Variants in DOCK4 observed in about 807,000 individuals in gnomAD.
DOCK4 encodes the protein dedicator of cytokinesis 4, also known as dedicator of cytokinesis protein 4.
DOCK4 carries 97 observed loss-of-function variants against 268.1 expected under a neutral mutation model. The observed-to-expected ratio is 0.36, with a 90% CI of 0.31 to 0.43. DOCK4 has a LOEUF of 0.43. Among genes scored for constraint, DOCK4 ranks in the 20% least tolerant of loss-of-function variants. The probability of loss-of-function intolerance (pLI) is 1.00; values close to 1 mark genes in which losing one functional copy is unlikely to be tolerated. For synonymous variants in DOCK4, 954 were observed against 887.2 expected, an observed-to-expected ratio of 1.08 and a Z score of -1.34; for missense variants, 2,145 against 2,455.7, an observed-to-expected ratio of 0.87 and a Z score of 2.67.
intron 1 of DOCK4, among the ~76,000 whole-genome samples, chr7:112,116,427 C>T (rs982877229): frequency 6.6e-6 from 1 of 152,138 alleles, no homozygotes; most frequent in Non-Finnish European, 1.5e-5. Flanking sequence ...CACTTGAATA[C>T]ATAGTTTTAC....
chr7:112,134,115 T>C (rs1006915655), intron 1 of DOCK4, among the ~76,000 whole-genome samples: 2 of 152,228 alleles, frequency 1.3e-5, no homozygotes, highest in African/African-American at 4.8e-5. Context: ...TTCACTGCAT[T>C]ACAATGCTTC....
intron 23 of DOCK4, among the ~76,000 whole-genome samples, chr7:111,859,524 T>C (rs371412665): frequency 3.8e-4 from 57 of 151,816 alleles, no homozygotes; most frequent in Middle Eastern, 3.4e-3. Context: ...CCTCAAAAAA[T>C]CCTTTTGCTG....
intron 1 of DOCK4, among the ~76,000 whole-genome samples, chr7:112,202,365 T>C (rs1279541881): frequency 1.3e-5 from 2 of 152,234 alleles, no homozygotes; most frequent in Non-Finnish European, 2.9e-5. Context: ...CCTTTCATTG[T>C]TTTTATACAG....
chr7:111,986,669 C>T (rs1468443308), intron 6 of DOCK4, among the ~76,000 whole-genome samples: 1 of 152,132 alleles, frequency 6.6e-6, no homozygotes, highest in African/African-American at 2.4e-5. Context: ...ATAGTATTAG[C>T]AGAAAAGTCA....
At chr7:111,944,432 T>TAC (rs1237579310) in intron 10 of DOCK4, among the ~76,000 whole-genome samples, 4 of 152,210 alleles carry the variant, frequency 2.6e-5, no homozygotes, top group Non-Finnish European at 4.4e-5. Context: ...TGCCAATTTA[T>TAC]ACAGAGCCTT....
At chr7:111,882,458 C>T (rs73205391) in intron 16 of DOCK4, among the ~76,000 whole-genome samples, 7,645 of 152,196 alleles carry the variant, frequency 0.05, 272 homozygotes, top group Non-Finnish European at 0.08. Context: ...ACAGCTGGTA[C>T]GCTCAGATGA....
At chr7:112,204,748 A>C (rs1030935596) in intron 1 of DOCK4, among the ~76,000 whole-genome samples, 2 of 152,148 alleles carry the variant, frequency 1.3e-5, no homozygotes, top group African/African-American at 4.8e-5. Context: ...TGGGAAAAAA[A>C]AAAACAAAAA....
intron 16 of DOCK4, among the ~76,000 whole-genome samples, chr7:111,880,361 C>G (rs1233368202): frequency 6.6e-6 from 1 of 152,102 alleles, no homozygotes; most frequent in Non-Finnish European, 1.5e-5. Flanking sequence ...GAAAAATATC[C>G]TTCAGGCATG....
chr7:111,740,876 T>C (rs1289741104), intron 47 of DOCK4, among the ~76,000 whole-genome samples: 1 of 150,736 alleles, frequency 6.6e-6, no homozygotes, highest in Non-Finnish European at 1.5e-5. Flanking sequence ...GGCTTTTCCA[T>C]CGCTTGCTGA....
chr7:111,908,993 T>C (rs540276393), intron 13 of DOCK4, among the ~76,000 whole-genome samples: 26 of 152,162 alleles, frequency 1.7e-4, no homozygotes, highest in Non-Finnish European at 2.9e-4. Context: ...AATAAACAAA[T>C]GTGTGCATAT....
chr7:111,844,654 G>T, intron 25 of DOCK4, 109 bp downstream of exon 25: 1 of 1,346,016 alleles, frequency 7.4e-7, no homozygotes, highest in Non-Finnish European at 9.8e-7. Flanking sequence ...AATGCTGATG[G>T]GTTACTCTCC....
intron 16 of DOCK4, among the ~76,000 whole-genome samples, chr7:111,891,171 T>G (rs1285973866): frequency 7.0e-6 from 1 of 143,080 alleles, no homozygotes; most frequent in Non-Finnish European, 1.5e-5. Context: ...TCTCTTCCTA[T>G]TTTTGTTTGG....
intron 13 of DOCK4, among the ~76,000 whole-genome samples, chr7:111,912,236 A>G (rs149051307): frequency 6.6e-6 from 1 of 152,194 alleles, no homozygotes; most frequent in Admixed American, 6.5e-5. Flanking sequence ...TACACATGGG[A>G]TTTAAACAGT....
At chr7:111,776,690 A>G (rs1242269016) in intron 36 of DOCK4, among the ~76,000 whole-genome samples, 2 of 152,258 alleles carry the variant, frequency 1.3e-5, no homozygotes, top group East Asian at 1.9e-4. Context: ...CAAGAACCTC[A>G]GCAAACCCAA....
intron 1 of DOCK4, among the ~76,000 whole-genome samples, chr7:112,101,877 C>G (rs922687624): frequency 3.4e-5 from 5 of 149,252 alleles, no homozygotes; most frequent in African/African-American, 9.9e-5. Context: ...GAGTCTTGCT[C>G]TGTTGCCCAG....
At chr7:112,134,321 T>C (rs1814104086) in intron 1 of DOCK4, among the ~76,000 whole-genome samples, 2 of 152,118 alleles carry the variant, frequency 1.3e-5, no homozygotes, top group African/African-American at 4.8e-5. Context: ...CCTATACATC[T>C]CAATCTCTTC....
chr7:111,961,902 G>C (rs895792658), intron 8 of DOCK4, among the ~76,000 whole-genome samples: 1 of 152,054 alleles, frequency 6.6e-6, no homozygotes, highest in Non-Finnish European at 1.5e-5. Flanking sequence ...TTTTCTCATT[G>C]CTTTATGGCC....
chr7:111,900,450 A>G lies in DOCK4; in HGVS notation c.1404T>C (p.Ser468=), dbSNP rs756279575. The stretch of plus-strand genomic sequence containing the variant: ...CAGGAATGGGAAGTTTCAGCAGTTC[A>G]GACCACCTGGGACTGTTGTTATGGT... ...VLYHNNSPRW[S]ELLKLPIPVD... The change falls in exon 15 of 53, where the codon TCT becomes TCC. Residue 468 remains serine, a synonymous_variant. Transcript: ENST00000428084. The G allele has an allele frequency of 2.9e-5, 46 of 1,613,370 alleles. 1 individual carries two copies. Among genetic ancestry groups the G allele is most frequent in the Middle Eastern group, 1.6e-4 (1 of 6,084 alleles).
chr7:111,797,760 T>TATA lies in DOCK4; in HGVS notation c.3167-7156_3167-7155insTAT, dbSNP rs1563519096. 3.9e-5 allele frequency among the ~76,000 whole-genome samples: 6 copies of TATA among 152,272 alleles called. No individual in the cohort carries two copies. The East Asian group carries it at 9.7e-4, about 25-fold the overall frequency. On this transcript the variant is annotated intron_variant, in intron 30 of 52. Transcript: ENST00000428084. ...CTTAATTACTCTAAACTGTCTATAA[T>TATA]AGACCAAAAGACAGATAAGAATCCT...
Sources: gnomAD v4.1 joint callset for allele counts (sites outside exome capture counted in the v4.1 genomes callset) on GRCh38, gnomAD v4.1.1 for gene constraint, MANE v1.5 for transcripts, NCBI Gene and HGNC (gene_info 2026-07-23, HGNC 2026-07-21) for gene names.